Variants in AKAP13 observed in about 807,000 individuals in gnomAD.
AKAP13 encodes A-kinase anchor protein 13.
A neutral mutation model predicts 264.5 loss-of-function variants in AKAP13; 80 were observed. The ratio of observed to expected loss-of-function variants is 0.30; its 90% CI spans 0.25 to 0.36. AKAP13 has a LOEUF of 0.36. AKAP13 is among the 10% of genes least tolerant of loss of function. The pLI is 1.00. For synonymous variants in AKAP13, 1,380 were observed against 1,250.2 expected (o/e 1.10, Z -2.19); for missense variants, 3,712 against 3,435.2 (o/e 1.08, Z -2.01).
chr15:85,447,292 A>G (rs1206741501), intron 1 of AKAP13, among the ~76,000 whole-genome samples: 1 of 88,538 alleles, frequency 1.1e-5, no homozygotes, highest in African/African-American at 2.7e-5. Context: ...TAAATCTGTT[A>G]TTATTATTAT....
At chr15:85,385,408 C>T (rs2070507342) in intron 1 of AKAP13, among the ~76,000 whole-genome samples, 1 of 152,130 alleles carries the variant, frequency 6.6e-6, no homozygotes, top group South Asian at 2.1e-4. Flanking sequence ...TTTACATTCA[C>T]TAAAATTCCG....
In AKAP13 at chr15:85,738,700, C is replaced by T. The variant is rs542358647; in HGVS notation, c.7558-1522C>T. Among the ~76,000 whole-genome samples the T allele has an allele frequency of 2.4e-3, 361 of 150,786 alleles. 1 individual carries two copies. Among genetic ancestry groups the T allele is most frequent in the Middle Eastern group, 6.9e-3 (2 of 290 alleles). On this transcript the variant is annotated intron_variant, in intron 33 of 36. Transcript: ENST00000394518. Reference sequence around the variant, plus strand: ...AAAAATACAAAAAATTAGCCGGGCGCGGTGGCGGGCGCCTGTAGTCCCAGC... The same window carrying T: ...AAAAATACAAAAAATTAGCCGGGCGTGGTGGCGGGCGCCTGTAGTCCCAGC...
At chr15:85,385,137 A>C (rs1191557099) in intron 1 of AKAP13, among the ~76,000 whole-genome samples, 1 of 152,212 alleles carries the variant, frequency 6.6e-6, no homozygotes, top group Non-Finnish European at 1.5e-5. Context: ...GCAAAGCAGA[A>C]AATATTTACT....
chr15:85,382,546 A>C (rs1366294728), intron 1 of AKAP13, among the ~76,000 whole-genome samples: 20 of 152,278 alleles, frequency 1.3e-4, no homozygotes, highest in Admixed American at 3.9e-4. Flanking sequence ...GGAGGGACAT[A>C]ATGTAAGCAA....
chr15:85,429,545 G>A (rs1381450971), intron 1 of AKAP13, among the ~76,000 whole-genome samples: 2 of 152,178 alleles, frequency 1.3e-5, no homozygotes, highest in South Asian at 2.1e-4. Context: ...TGGCCTTCAG[G>A]AAATTTAGGA....
At chr15:85,462,671 C>T (rs528604977) in intron 1 of AKAP13, among the ~76,000 whole-genome samples, 4 of 152,256 alleles carry the variant, frequency 2.6e-5, no homozygotes, top group Non-Finnish European at 4.4e-5. Context: ...GGAAAATCTA[C>T]TTAGAATCAA....
At chr15:85,470,237 C>G (rs953764666) in intron 1 of AKAP13, among the ~76,000 whole-genome samples, 21 of 152,108 alleles carry the variant, frequency 1.4e-4, no homozygotes, top group African/African-American at 4.8e-4. Context: ...TGTAGTGAGC[C>G]GAGACCTCGC....
At position 85,655,424 on chromosome 15, in the gene AKAP13, A is replaced by T. The variant is rs371858981; in HGVS notation, c.4382A>T (p.Glu1461Val). Reference sequence around the variant, plus strand: ...GCTTTCTCTCCATTACAGCCAGAGGAAGAGCATTTGGCCTGTGATATCACC... The same window carrying T: ...GCTTTCTCTCCATTACAGCCAGAGGTAGAGCATTTGGCCTGTGATATCACC... The part of the protein sequence containing the change: ...MDSIIFPKPE[E>V]EHLACDITGS... Residue 1461 changes from glutamate to valine, a missense_variant, in exon 11 of 37, where the codon GAA (glutamate) becomes GTA (valine). Coordinates refer to ENST00000394518, the MANE Select transcript of AKAP13 (RefSeq NM_007200.5). The T allele has an allele frequency of 1.9e-6, 3 of 1,612,976 alleles. No homozygotes were observed. In the African/African-American group the frequency reaches 4.0e-5, roughly 22 times the overall value.
intron 9 of AKAP13, among the ~76,000 whole-genome samples, chr15:85,641,647 G>A (rs912620115): frequency 2.0e-5 from 3 of 151,058 alleles, no homozygotes; most frequent in South Asian, 4.2e-4. Flanking sequence ...CACCACACCC[G>A]GCTAATTTTT....
intron 13 of AKAP13, among the ~76,000 whole-genome samples, chr15:85,667,539 A>T (rs180678678): frequency 6.6e-6 from 1 of 152,120 alleles, no homozygotes; most frequent in African/African-American, 2.4e-5. Context: ...TTTAAAATAA[A>T]TTGCATTTCA....
At chr15:85,560,128 TAAAAAAAAAA>T (rs55715424) in intron 5 of AKAP13, among the ~76,000 whole-genome samples, 2 of 54,578 alleles carry the variant, frequency 3.7e-5, no homozygotes, top group Non-Finnish European at 6.7e-5. Context: ...TGTCTCCACC[TAAAAAAAAAA>T]AAAAAAAAAA....
At chr15:85,437,501 G>A (rs2073367824) in intron 1 of AKAP13, among the ~76,000 whole-genome samples, 2 of 151,004 alleles carry the variant, frequency 1.3e-5, no homozygotes, top group Admixed American at 1.3e-4. Context: ...ACCAAAGCCG[G>A]GCAGAGACAC....
chr15:85,694,602 G>T (rs2085467271), intron 17 of AKAP13, among the ~76,000 whole-genome samples: 1 of 152,132 alleles, frequency 6.6e-6, no homozygotes, highest in African/African-American at 2.4e-5. Context: ...GCCACATTTA[G>T]CCCACAGACC....
intron 8 of AKAP13, chr15:85,620,047 A>G (rs1393115436): frequency 2.6e-6 from 4 of 1,535,828 alleles, no homozygotes; most frequent in Non-Finnish European, 3.5e-6. Context: ...TTAACAGTGG[A>G]TATACTTCCT....
chr15:85,586,736 A>G (rs61640793), intron 8 of AKAP13, among the ~76,000 whole-genome samples: 4 of 152,036 alleles, frequency 2.6e-5, no homozygotes, highest in African/African-American at 9.7e-5. Flanking sequence ...GATCAGCCCG[A>G]CCAACATGGT....
In AKAP13 at chr15:85,579,151, G is replaced by C. The variant is rs769243008; in HGVS notation, c.1083G>C (p.Glu361Asp). Reference sequence around the variant, plus strand: ...CCTGTGATTTGTCAAGCATAGTTGAGGAGGAGAATACAGACCGTTCCTGTA... The same window carrying C: ...CCTGTGATTTGTCAAGCATAGTTGACGAGGAGAATACAGACCGTTCCTGTA... ...ESPCDLSSIV[E>D]EENTDRSCRK... The change falls in exon 7 of 37, where the codon GAG (glutamate) becomes GAC (aspartate). Residue 361 changes from glutamate (E) to aspartate (D), a missense_variant. Glu to Asp is a conservative substitution (Grantham distance 45). Coordinates refer to ENST00000394518, the MANE Select transcript of AKAP13 (RefSeq NM_007200.5). The C allele has an allele frequency of 2.2e-5, 36 of 1,614,132 alleles. No homozygotes were observed. Among genetic ancestry groups the C allele is most frequent in the Non-Finnish European group, 3.1e-5 (36 of 1,180,030 alleles).
intron 4 of AKAP13, among the ~76,000 whole-genome samples, chr15:85,540,842 C>T (rs918518719): frequency 4.6e-5 from 7 of 152,180 alleles, no homozygotes; most frequent in Non-Finnish European, 8.8e-5. Flanking sequence ...TATATGCATG[C>T]GGTGGACTAC....
At chr15:85,666,794 A>G (rs1007121902) in intron 13 of AKAP13, among the ~76,000 whole-genome samples, 2 of 152,252 alleles carry the variant, frequency 1.3e-5, no homozygotes, top group East Asian at 3.8e-4. Flanking sequence ...CTTGAAGGTC[A>G]TGGATTTCCA....
chr15:85,472,949 G>A (rs973187653), intron 1 of AKAP13, among the ~76,000 whole-genome samples: 1 of 152,108 alleles, frequency 6.6e-6, no homozygotes, highest in African/African-American at 2.4e-5. Flanking sequence ...ATATACACAA[G>A]AATATAGCTA....
Sources: gnomAD v4.1 joint callset for allele counts (sites outside exome capture counted in the v4.1 genomes callset) on GRCh38, gnomAD v4.1.1 for gene constraint, MANE v1.5 for transcripts, NCBI Gene and HGNC (gene_info 2026-07-23, HGNC 2026-07-21) for gene names.